The following CAMKMT variants were observed in gnomAD, a reference collection of about 807,000 sequenced individuals.
The protein encoded by CAMKMT is CaM KMT.
In CAMKMT, 53 loss-of-function variants were observed where a neutral mutation model predicts 48.0. That is an observed-to-expected ratio of 1.10 (90% CI 0.89 to 1.39). The LOEUF (loss-of-function observed/expected upper bound fraction) is 1.39, where lower values mean the gene tolerates loss of function less well. Among genes scored for constraint, CAMKMT ranks in the 40% most tolerant of loss-of-function variants. The pLI, the probability that CAMKMT is intolerant of heterozygous loss-of-function variation, is 0.00. For missense variants in CAMKMT, 428 were observed against 402.7 expected (o/e 1.06, Z -0.54); for synonymous variants, 165 against 152.3 (o/e 1.08, Z -0.61).
intron 3 of CAMKMT, among the ~76,000 whole-genome samples, chr2:44,703,793 A>C (rs1045884249): frequency 1.3e-5 from 2 of 151,390 alleles, no homozygotes; most frequent in African/African-American, 4.9e-5. Context: ...AAAAAAAAAA[A>C]AGACAGAATT....
intron 3 of CAMKMT, among the ~76,000 whole-genome samples, chr2:44,649,077 C>T (rs1673914173): frequency 6.6e-6 from 1 of 152,152 alleles, no homozygotes; most frequent in East Asian, 1.9e-4. Context: ...ATCACACATA[C>T]ACATATCCCA....
At chr2:44,666,894 T>C (rs139205139) in intron 3 of CAMKMT, among the ~76,000 whole-genome samples, 218 of 152,260 alleles carry the variant, frequency 1.4e-3, no homozygotes, top group East Asian at 6.8e-3. Context: ...AGGTGTGAGC[T>C]ACCACGCCCA....
At chr2:44,362,558 C>T (rs1434487199) in intron 1 of CAMKMT, among the ~76,000 whole-genome samples, 1 of 152,212 alleles carries the variant, frequency 6.6e-6, no homozygotes, top group Non-Finnish European at 1.5e-5. Flanking sequence ...CGATATTCGT[C>T]TGCACCCTCT....
intron 3 of CAMKMT, among the ~76,000 whole-genome samples, chr2:44,648,518 C>T (rs1673879059): frequency 6.6e-6 from 1 of 152,144 alleles, no homozygotes; most frequent in African/African-American, 2.4e-5. Flanking sequence ...TACATTTGTT[C>T]TGAAAGATAT....
intron 3 of CAMKMT, among the ~76,000 whole-genome samples, chr2:44,431,393 G>A (rs1484864293): frequency 6.6e-6 from 1 of 151,850 alleles, no homozygotes; most frequent in Admixed American, 6.6e-5. Flanking sequence ...TTCCCTTTTT[G>A]TTACTGTCAA....
intron 3 of CAMKMT, among the ~76,000 whole-genome samples, chr2:44,425,988 C>A (rs1306417045): frequency 2.0e-5 from 3 of 152,312 alleles, no homozygotes; most frequent in Non-Finnish European, 1.5e-5. Flanking sequence ...GCCTTGGCCT[C>A]CCAAAGTGCT....
At chr2:44,421,433 A>T (rs1358339550) in intron 3 of CAMKMT, among the ~76,000 whole-genome samples, 2 of 152,186 alleles carry the variant, frequency 1.3e-5, no homozygotes, top group East Asian at 3.8e-4. Flanking sequence ...GAAATGTATA[A>T]ATACAATTAT....
intron 3 of CAMKMT, among the ~76,000 whole-genome samples, chr2:44,536,064 A>G (rs1666756507): frequency 6.6e-6 from 1 of 152,224 alleles, no homozygotes; most frequent in Non-Finnish European, 1.5e-5. Flanking sequence ...TCTATACACC[A>G]ATAATGAACT....
At chr2:44,596,036 G>A (rs900716352) in intron 3 of CAMKMT, among the ~76,000 whole-genome samples, 2 of 151,814 alleles carry the variant, frequency 1.3e-5, no homozygotes, top group African/African-American at 4.8e-5. Flanking sequence ...ACCTAATGTA[G>A]ATGATGGGTT....
At chr2:44,516,501 C>G (rs698783) in intron 3 of CAMKMT, among the ~76,000 whole-genome samples, 18,215 of 151,830 alleles carry the variant, frequency 0.12, 1,638 homozygotes, top group African/African-American at 0.25. Context: ...AAATTTTGTC[C>G]CTCTCTAAAT....
In CAMKMT at chr2:44,595,024, C is replaced by T. The variant is rs537955037; in HGVS notation, c.377-109259C>T. On this transcript the variant is annotated intron_variant, in intron 3 of 10. Coordinates refer to ENST00000378494, the MANE Select transcript of CAMKMT (RefSeq NM_024766.5). ...TGAACGGACGCCTGTCAAAAGAAGA[C>T]GTTTATGCAGCCAGCAAACATGAAA... is the stretch of plus-strand genomic sequence containing the variant. Among the ~76,000 whole-genome samples the T allele has an allele frequency of 9.2e-5, 14 of 152,254 alleles. No individual in the cohort carries two copies. In the South Asian group the frequency reaches 2.1e-3, roughly 23 times the overall value.
chr2:44,393,810 G>C (rs1052912219), intron 3 of CAMKMT, among the ~76,000 whole-genome samples: 4 of 152,152 alleles, frequency 2.6e-5, no homozygotes, highest in Non-Finnish European at 5.9e-5. Context: ...TTTTCTGTGG[G>C]CAGGGACTCC....
chr2:44,390,295 A>C lies in CAMKMT; in HGVS notation c.366A>C (p.Thr122=), dbSNP rs200061850. ...VEDVLTSFDN[T]GNVCIWPSEE... ...ATGTCCTTACCAGCTTTGACAATAC[A>C]GGAAATGTTTGTAAGTTATACATTC... Residue 122 remains threonine, a synonymous_variant, in exon 3 of 11, where the codon ACA becomes ACC. Transcript: ENST00000378494. The C allele has an allele frequency of 1.1e-5, 18 of 1,605,124 alleles. No homozygotes were observed. The highest frequency in any genetic ancestry group is 1.5e-5 in the Non-Finnish European group (18 of 1,174,626).
intron 3 of CAMKMT, among the ~76,000 whole-genome samples, chr2:44,425,171 TAAAG>T (rs1684198005): frequency 6.6e-6 from 1 of 152,178 alleles, no homozygotes; most frequent in Non-Finnish European, 1.5e-5. Flanking sequence ...AAAATAAACA[TAAAG>T]AATAATGAAA....
chr2:44,594,014 C>T (rs923663236), intron 3 of CAMKMT, among the ~76,000 whole-genome samples: 19 of 152,222 alleles, frequency 1.2e-4, no homozygotes, highest in African/African-American at 4.6e-4. Context: ...CTGCCCACCT[C>T]AGCCTCCAAA....
intron 3 of CAMKMT, among the ~76,000 whole-genome samples, chr2:44,525,149 C>T (rs1671338456): frequency 1.3e-5 from 2 of 151,994 alleles, no homozygotes; most frequent in Non-Finnish European, 2.9e-5. Flanking sequence ...GGTTAGATGA[C>T]ACAAAATATA....
intron 3 of CAMKMT, among the ~76,000 whole-genome samples, chr2:44,454,305 A>C (rs1667447240): frequency 6.6e-6 from 1 of 152,132 alleles, no homozygotes; most frequent in African/African-American, 2.4e-5. Flanking sequence ...AACGTTGTGC[A>C]TTGTGTTAAA....
At chr2:44,662,512 G>A (rs1281744599) in intron 3 of CAMKMT, among the ~76,000 whole-genome samples, 3 of 152,178 alleles carry the variant, frequency 2.0e-5, no homozygotes, top group Non-Finnish European at 2.9e-5. Context: ...AATTGTACGT[G>A]CACATTCAAA....
At chr2:44,425,776 G>C (rs1684237415) in intron 3 of CAMKMT, among the ~76,000 whole-genome samples, 1 of 151,204 alleles carries the variant, frequency 6.6e-6, no homozygotes, top group South Asian at 2.1e-4. Flanking sequence ...TGTTGCCCAG[G>C]CTGGAGTGCA....
Sources: allele counts gnomAD v4.1 joint callset (sites outside exome capture counted in the v4.1 genomes callset), GRCh38; gene constraint gnomAD v4.1.1; transcripts MANE v1.5; gene names NCBI Gene and HGNC (gene_info 2026-07-23, HGNC 2026-07-21).